DLEC1: variants seen among roughly 807,000 people sequenced by gnomAD.
The protein encoded by DLEC1 is deleted in lung and esophageal cancer protein 1.
In DLEC1, 146 loss-of-function variants were observed where a neutral mutation model predicts 198.1. The ratio of observed to expected loss-of-function variants is 0.74; its 90% CI spans 0.64 to 0.85. The LOEUF is 0.85. Ranked by LOEUF, DLEC1 falls within the 40% of genes least tolerant of loss-of-function variation. The pLI, the probability that DLEC1 is intolerant of heterozygous loss-of-function variation, is 0.00. For synonymous variants in DLEC1, 897 were observed against 866.8 expected (o/e 1.03, Z -0.61); for missense variants, 2,233 against 2,220.0 (o/e 1.01, Z -0.12).
Position 38,086,232 on chromosome 3 carries a change from T to A in DLEC1, c.1436-9T>A. On this transcript the variant is annotated splice_polypyrimidine_tract_variant and intron_variant, in intron 8 of 36. Coordinates refer to ENST00000308059, the MANE Select transcript of DLEC1 (RefSeq NM_007335.4). ...TGTTTCTCTTGCACATGTTCTCCTG[T>A]GGCTACAGTGTCACCGGTGTTGGAC... 1 of 1,603,438 alleles carries A rather than the reference T, an allele frequency of 6.2e-7. No individual in the cohort carries two copies. The highest frequency in any genetic ancestry group is 8.5e-7 in the Non-Finnish European group (1 of 1,174,944).
At chr3:38,078,529 G>A (rs1189499515) in intron 6 of DLEC1, among the ~76,000 whole-genome samples, 7 of 152,148 alleles carry the variant, frequency 4.6e-5, no homozygotes, top group African/African-American at 1.4e-4. Flanking sequence ...AGATTAATTG[G>A]GCACAATCAG....
chr3:38,079,823 G>T (rs1697865751), intron 6 of DLEC1, among the ~76,000 whole-genome samples: 1 of 152,176 alleles, frequency 6.6e-6, no homozygotes, highest in African/African-American at 2.4e-5. Context: ...CTGGAGATGT[G>T]GCTGGGGTTT....
At chr3:38,079,227 T>C (rs1344165580) in intron 6 of DLEC1, among the ~76,000 whole-genome samples, 2 of 152,244 alleles carry the variant, frequency 1.3e-5, no homozygotes, top group East Asian at 3.9e-4. Flanking sequence ...AAGCAGATAA[T>C]TTAGTTAAAG....
intron 23 of DLEC1, among the ~76,000 whole-genome samples, chr3:38,110,737 G>C (rs967837347): frequency 1.3e-5 from 2 of 151,990 alleles, no homozygotes; most frequent in Non-Finnish European, 1.5e-5. Flanking sequence ...CTATGTGTAA[G>C]GACAGAGGCA....
At chr3:38,062,863 TC>T in intron 5 of DLEC1, 62 bp downstream of exon 5, 1 of 1,550,230 alleles carries the variant, frequency 6.5e-7, no homozygotes. Context: ...ACCTAGATGG[TC>T]CTCCGTTTGG....
chr3:38,044,250 A>C (rs1036447624), intron 1 of DLEC1, among the ~76,000 whole-genome samples: 1 of 152,080 alleles, frequency 6.6e-6, no homozygotes, highest in Non-Finnish European at 1.5e-5. Context: ...CAGTTCTAAA[A>C]AATAAATAAA....
At chr3:38,076,613 C>T (rs1285286180) in intron 6 of DLEC1, among the ~76,000 whole-genome samples, 1 of 152,092 alleles carries the variant, frequency 6.6e-6, no homozygotes, top group Non-Finnish European at 1.5e-5. Context: ...GGTGGAATGT[C>T]ATCAGTTAAG....
At position 38,039,445 on chromosome 3, in the gene DLEC1, C is replaced by T; in HGVS notation, c.220C>T (p.Arg74Cys). 1 of 1,613,766 alleles carries T rather than the reference C, an allele frequency of 6.2e-7. No homozygotes were observed. Among genetic ancestry groups the T allele is most frequent in the Non-Finnish European group, 8.5e-7 (1 of 1,179,746 alleles). The change falls in exon 1 of 37, where the codon CGT becomes TGT. Residue 74 changes from arginine to cysteine, a missense_variant. Transcript: ENST00000308059. ...CCTCACGCAGCTTGCGCTGGCGCAG[C>T]GTCCCGAGCCTCAGCTGCTTCGTCT... ...RRLTQLALAQ[R>C]PEPQLLRLRP...
intron 7 of DLEC1, among the ~76,000 whole-genome samples, chr3:38,084,579 G>GTGGTGGTAGTAGTAGTAGTGGT (rs147653328): frequency 9.2e-4 from 1 of 1,084 alleles, no homozygotes; most frequent in Non-Finnish European, 2.2e-3. Flanking sequence ...AGTAGTAGTG[G>GTGGTGGTAGTAGTAGTAGTGGT]GGGGGTGGTA....
Position 38,039,440 on chromosome 3 carries a change from C to A in DLEC1, c.215C>A (p.Ala72Glu). Residue 72 changes from alanine (A) to glutamate (E), a missense_variant, in exon 1 of 37, where the codon GCG becomes GAG. Transcript: ENST00000308059. ...RPRRLTQLAL[A>E]QRPEPQLLRL... ...CGCCGCCTCACGCAGCTTGCGCTGGCGCAGCGTCCCGAGCCTCAGCTGCTT... is the reference window on the plus strand; with the variant it reads ...CGCCGCCTCACGCAGCTTGCGCTGGAGCAGCGTCCCGAGCCTCAGCTGCTT... The A allele has an allele frequency of 6.2e-7, 1 of 1,613,724 alleles. No homozygotes were observed. The highest frequency in any genetic ancestry group is 1.1e-5 in the South Asian group (1 of 91,062).
At chr3:38,091,592 T>C (rs987292602) in intron 10 of DLEC1, among the ~76,000 whole-genome samples, 4 of 151,888 alleles carry the variant, frequency 2.6e-5, no homozygotes, top group South Asian at 2.1e-4. Flanking sequence ...ATCTGTGAAA[T>C]GGGAGAAAAT....
intron 9 of DLEC1, among the ~76,000 whole-genome samples, chr3:38,087,269 A>G (rs778288770): frequency 6.6e-6 from 1 of 151,766 alleles, no homozygotes; most frequent in Non-Finnish European, 1.5e-5. Context: ...ACCATCCATC[A>G]GCATGCTCAC....
chr3:38,070,507 C>G (rs759179670), intron 6 of DLEC1, among the ~76,000 whole-genome samples: 8 of 152,082 alleles, frequency 5.3e-5, no homozygotes, highest in Non-Finnish European at 1.0e-4. Flanking sequence ...CATGCACGTC[C>G]GTGTGAAGAG....
intron 1 of DLEC1, among the ~76,000 whole-genome samples, chr3:38,040,667 C>T (rs1476854488): frequency 6.6e-6 from 1 of 152,192 alleles, no homozygotes; most frequent in Non-Finnish European, 1.5e-5. Context: ...ACTCACATCC[C>T]TGTCATTCAC....
chr3:38,084,461 A>G (rs1200315429), intron 7 of DLEC1, among the ~76,000 whole-genome samples: 7 of 388 alleles, frequency 0.018, no homozygotes, highest in South Asian at 0.056. Context: ...TGGTAGTAGT[A>G]ATAGTAGTGG....
chr3:38,065,662 A>G (rs1696990770), intron 6 of DLEC1, among the ~76,000 whole-genome samples: 1 of 152,230 alleles, frequency 6.6e-6, no homozygotes, highest in Non-Finnish European at 1.5e-5. Flanking sequence ...TCTAACAGAT[A>G]AGGGTTTTAA....
chr3:38,094,490 G>A (rs1698906315), intron 12 of DLEC1, among the ~76,000 whole-genome samples: 1 of 152,176 alleles, frequency 6.6e-6, no homozygotes, highest in Non-Finnish European at 1.5e-5. Context: ...GGGTTGATGT[G>A]GCAAACCTTG....
intron 6 of DLEC1, among the ~76,000 whole-genome samples, chr3:38,080,707 A>G (rs1289778128): frequency 6.6e-5 from 10 of 151,794 alleles, no homozygotes; most frequent in South Asian, 2.1e-4. Flanking sequence ...AAGGGAGGAG[A>G]AGGAGGAATG....
Position 38,117,490 on chromosome 3 carries a change from C to A in DLEC1, c.4401-37C>A, listed in dbSNP as rs114193883. 1,706 of 1,613,688 alleles carry A rather than the reference C, an allele frequency of 1.1e-3. 25 individuals carry two copies. In the African/African-American group the frequency reaches 0.02, roughly 19 times the overall value. ...GTGGGGGCAGCCAGAAGGCCCCAGG[C>A]GCCCGGCTTGCCCCAACAATGCCTA... On this transcript the variant is annotated intron_variant, in intron 31 of 36. Transcript: ENST00000308059.
Sources: allele counts gnomAD v4.1 joint callset (sites outside exome capture counted in the v4.1 genomes callset), GRCh38; gene constraint gnomAD v4.1.1; transcripts MANE v1.5; gene names NCBI Gene and HGNC (gene_info 2026-07-23, HGNC 2026-07-21).